Variants in FHIT observed in about 807,000 individuals in gnomAD.
FHIT encodes bis(5'-adenosyl)-triphosphatase.
A neutral mutation model predicts 17.9 loss-of-function variants in FHIT; 19 were observed. The ratio of observed to expected loss-of-function variants is 1.06; its 90% confidence interval spans 0.74 to 1.56. The LOEUF is 1.56. FHIT is among the 40% of genes most tolerant of loss of function. FHIT has a pLI of 0.00. For missense variants in FHIT, 248 were observed against 189.2 expected (o/e 1.31, Z -1.82); for synonymous variants, 81 against 69.7 (o/e 1.16, Z -0.81).
intron 5 of FHIT, among the ~76,000 whole-genome samples, chr3:60,513,156 G>A (rs1173088699): frequency 6.6e-6 from 1 of 152,146 alleles, no homozygotes; most frequent in Non-Finnish European, 1.5e-5. Flanking sequence ...TTGTTAGAGG[G>A]TTTGGCACAA....
chr3:61,039,913 C>G (rs1299699370), intron 3 of FHIT, among the ~76,000 whole-genome samples: 1 of 152,174 alleles, frequency 6.6e-6, no homozygotes, highest in African/African-American at 2.4e-5. Context: ...GCACTTAGAA[C>G]AGAATATTAT....
chr3:60,954,751 G>T (rs1242935962), intron 3 of FHIT, among the ~76,000 whole-genome samples: 17 of 152,164 alleles, frequency 1.1e-4, no homozygotes, highest in Admixed American at 1.1e-3. Context: ...GTTTCAAGAT[G>T]ATCATAGAAG....
chr3:59,995,885 G>A (rs545216200), intron 7 of FHIT, among the ~76,000 whole-genome samples: 1 of 152,102 alleles, frequency 6.6e-6, no homozygotes, highest in Non-Finnish European at 1.5e-5. Context: ...ACACTAAACT[G>A]AAATCCATTT....
intron 8 of FHIT, among the ~76,000 whole-genome samples, chr3:59,829,653 G>T (rs1405968343): frequency 2.0e-5 from 3 of 152,102 alleles, no homozygotes; most frequent in African/African-American, 7.2e-5. Flanking sequence ...GCAGATAAGT[G>T]AGCATACTCT....
At chr3:61,072,064 A>G (rs900969008) in intron 2 of FHIT, among the ~76,000 whole-genome samples, 3 of 152,116 alleles carry the variant, frequency 2.0e-5, no homozygotes, top group Admixed American at 2.0e-4. Context: ...AGCCAGAAAC[A>G]TTTGGATTCA....
chr3:60,796,139 C>T (rs910386476), intron 4 of FHIT, among the ~76,000 whole-genome samples: 3 of 152,074 alleles, frequency 2.0e-5, no homozygotes, highest in African/African-American at 7.2e-5. Flanking sequence ...AGACCAGCCC[C>T]CATGATTCAA....
intron 3 of FHIT, among the ~76,000 whole-genome samples, chr3:60,854,839 C>G (rs1703312535): frequency 6.6e-6 from 1 of 152,072 alleles, no homozygotes; most frequent in African/African-American, 2.4e-5. Context: ...CATTGCTGCT[C>G]CAAACAAAAT....
intron 4 of FHIT, among the ~76,000 whole-genome samples, chr3:60,571,178 A>C (rs758197861): frequency 2.0e-5 from 3 of 151,810 alleles, no homozygotes; most frequent in African/African-American, 7.3e-5. Context: ...TCTACTAAAA[A>C]TACAAAAATT....
chr3:59,887,196 C>T (rs189374016), intron 8 of FHIT, among the ~76,000 whole-genome samples: 92 of 152,284 alleles, frequency 6.0e-4, no homozygotes, highest in Admixed American at 1.1e-3. Flanking sequence ...AGTGACATAG[C>T]CTCGCAGATC....
chr3:61,021,532 G>C (rs2032432937), intron 3 of FHIT, among the ~76,000 whole-genome samples: 1 of 144,556 alleles, frequency 6.9e-6, no homozygotes, highest in Non-Finnish European at 1.5e-5. Flanking sequence ...CCGGGAGGCG[G>C]AGCTTGCAGT....
chr3:60,488,642 C>A (rs999936533), intron 5 of FHIT, among the ~76,000 whole-genome samples: 3 of 152,096 alleles, frequency 2.0e-5, no homozygotes, highest in African/African-American at 7.2e-5. Flanking sequence ...AGAAATATTT[C>A]AATCTTTTAA....
intron 8 of FHIT, among the ~76,000 whole-genome samples, chr3:59,881,573 A>G (rs1350953277): frequency 6.6e-6 from 1 of 152,216 alleles, no homozygotes; most frequent in Admixed American, 6.5e-5. Context: ...TACAGGTTGA[A>G]GGACCTCCCA....
intron 7 of FHIT, among the ~76,000 whole-genome samples, chr3:59,958,595 A>G (rs528001114): frequency 7.9e-5 from 12 of 152,356 alleles, no homozygotes; most frequent in Non-Finnish European, 1.5e-4. Context: ...ACTCCATTCA[A>G]TTAGCTGCAG....
At chr3:61,028,440 G>A (rs1457585559) in intron 3 of FHIT, among the ~76,000 whole-genome samples, 1 of 152,164 alleles carries the variant, frequency 6.6e-6, no homozygotes, top group African/African-American at 2.4e-5. Context: ...TTCAGGTCCT[G>A]GTTAATGGCA....
intron 5 of FHIT, among the ~76,000 whole-genome samples, chr3:60,040,782 A>C (rs543965300): frequency 6.6e-6 from 1 of 152,250 alleles, no homozygotes; most frequent in South Asian, 2.1e-4. Context: ...GGGCACCAAC[A>C]TGTAGGGGAG....
At chr3:59,996,706 G>A (rs767409105) in intron 7 of FHIT, among the ~76,000 whole-genome samples, 2 of 152,004 alleles carry the variant, frequency 1.3e-5, no homozygotes, top group African/African-American at 2.4e-5. Context: ...TTAGACATGA[G>A]AATAGTCAAA....
intron 5 of FHIT, among the ~76,000 whole-genome samples, chr3:60,511,679 T>C (rs2034956433): frequency 6.6e-6 from 1 of 152,148 alleles, no homozygotes; most frequent in South Asian, 2.1e-4. Context: ...AGAAACAATG[T>C]CACCTGAGTA....
intron 5 of FHIT, among the ~76,000 whole-genome samples, chr3:60,408,142 A>C (rs1360315117): frequency 2.0e-5 from 3 of 152,164 alleles, no homozygotes; most frequent in Non-Finnish European, 4.4e-5. Context: ...CAGGCACATT[A>C]ATTCTATAAA....
intron 5 of FHIT, among the ~76,000 whole-genome samples, chr3:60,375,106 A>G (rs63356364): frequency 1.1e-4 from 2 of 17,786 alleles, no homozygotes; most frequent in African/African-American, 8.3e-4. Flanking sequence ...CTCCTTTTGA[A>G]AAAAAAAAAA....
Sources: allele counts gnomAD v4.1 joint callset (sites outside exome capture counted in the v4.1 genomes callset), GRCh38; gene constraint gnomAD v4.1.1; transcripts MANE v1.5; gene names NCBI Gene and HGNC (gene_info 2026-07-23, HGNC 2026-07-21).